NEURL1: variants seen among roughly 807,000 people sequenced by gnomAD.
NEURL1 encodes the protein E3 ubiquitin-protein ligase NEURL1.
Under a neutral mutation model 41.2 loss-of-function variants are expected in NEURL1, and 26 were observed. The ratio of observed to expected loss-of-function variants is 0.63; its 90% CI spans 0.46 to 0.87. NEURL1 has a LOEUF of 0.87. NEURL1 is among the 40% of genes least tolerant of loss of function. The probability of loss-of-function intolerance (pLI) is 0.00; values close to 1 mark genes in which losing one functional copy is unlikely to be tolerated. For missense variants in NEURL1, 761 were observed against 871.1 expected (o/e 0.87, Z 1.59); for synonymous variants, 400 against 402.3 (o/e 0.99, Z 0.07).
chr10:103,498,815 G>T (rs1277663433), intron 1 of NEURL1, among the ~76,000 whole-genome samples: 1 of 152,118 alleles, frequency 6.6e-6, no homozygotes, highest in South Asian at 2.1e-4. Context: ...TGTGTCAAGC[G>T]TCTTTTACTT....
intron 1 of NEURL1, among the ~76,000 whole-genome samples, chr10:103,561,054 G>C (rs1034745590): frequency 1.3e-5 from 2 of 152,162 alleles, no homozygotes; most frequent in Non-Finnish European, 2.9e-5. Flanking sequence ...TGGCTGCTTC[G>C]CAAGGCTTGC....
At chr10:103,533,674 C>T (rs770325203) in intron 1 of NEURL1, among the ~76,000 whole-genome samples, 6 of 152,104 alleles carry the variant, frequency 3.9e-5, no homozygotes, top group South Asian at 2.1e-4. Flanking sequence ...GTAGCTGGGA[C>T]TACAGGCGCC....
At chr10:103,536,559 C>T (rs901010426) in intron 1 of NEURL1, among the ~76,000 whole-genome samples, 12 of 151,932 alleles carry the variant, frequency 7.9e-5, no homozygotes, top group African/African-American at 2.9e-4. Context: ...TCTCTCTCTA[C>T]CTATCTATCT....
At chr10:103,555,267 G>C in intron 1 of NEURL1, 2 of 1,110,182 alleles carry the variant, frequency 1.8e-6, no homozygotes. Flanking sequence ...TGCCATGCCG[G>C]TCTCCGCCCG....
intron 1 of NEURL1, among the ~76,000 whole-genome samples, chr10:103,524,923 G>T (rs1233757149): frequency 1.3e-5 from 2 of 151,954 alleles, no homozygotes; most frequent in Admixed American, 1.3e-4. Flanking sequence ...CTATATGGGG[G>T]GTGGGGTCCA....
intron 1 of NEURL1, among the ~76,000 whole-genome samples, chr10:103,570,642 G>A (rs986538464): frequency 6.6e-6 from 1 of 151,568 alleles, no homozygotes; most frequent in African/African-American, 2.4e-5. Context: ...GGAGAATGCC[G>A]AGGTGAGAAG....
At chr10:103,525,588 A>G (rs1246754522) in intron 1 of NEURL1, among the ~76,000 whole-genome samples, 1 of 152,004 alleles carries the variant, frequency 6.6e-6, no homozygotes, top group African/African-American at 2.4e-5. Flanking sequence ...TCTTGACCTC[A>G]AGTGATCCAC....
chr10:103,499,760 G>T (rs1056222272), intron 1 of NEURL1, among the ~76,000 whole-genome samples: 2 of 152,082 alleles, frequency 1.3e-5, no homozygotes, highest in Non-Finnish European at 2.9e-5. Context: ...TCAGCCTCTA[G>T]CCATTTTTCT....
At chr10:103,551,218 G>A (rs2035025725) in intron 1 of NEURL1, among the ~76,000 whole-genome samples, 2 of 151,838 alleles carry the variant, frequency 1.3e-5, no homozygotes, top group Non-Finnish European at 2.9e-5. Context: ...GTGAATGGTT[G>A]ATGAATGAAT....
At chr10:103,535,206 G>A (rs143709348) in intron 1 of NEURL1, among the ~76,000 whole-genome samples, 1 of 152,264 alleles carries the variant, frequency 6.6e-6, no homozygotes, top group East Asian at 1.9e-4. Context: ...TTTGGGCACT[G>A]AGGGGGCAAG....
chr10:103,538,943 G>GTTT (rs59036052), intron 1 of NEURL1, among the ~76,000 whole-genome samples: 14 of 129,178 alleles, frequency 1.1e-4, no homozygotes, highest in African/African-American at 3.9e-4. Flanking sequence ...CACCGCACCC[G>GTTT]TTTTTTTTTT....
chr10:103,504,413 T>C (rs1284842352), intron 1 of NEURL1, among the ~76,000 whole-genome samples: 2 of 152,180 alleles, frequency 1.3e-5, no homozygotes, highest in African/African-American at 2.4e-5. Flanking sequence ...TGTCTCTCTA[T>C]TGGGATTTTT....
intron 1 of NEURL1, among the ~76,000 whole-genome samples, chr10:103,495,683 G>A (rs116761792): frequency 1.2e-3 from 179 of 152,272 alleles, no homozygotes; most frequent in African/African-American, 4.2e-3. Context: ...GGAGAGATAG[G>A]ACCACTGTCC....
At chr10:103,577,137 T>C (rs1398450548) in intron 3 of NEURL1, among the ~76,000 whole-genome samples, 1 of 152,224 alleles carries the variant, frequency 6.6e-6, no homozygotes, top group Non-Finnish European at 1.5e-5. Flanking sequence ...TTCTTCCTCT[T>C]TGATGATTTT....
intron 5 of NEURL1, 42 bp from the exon 6 acceptor site, chr10:103,590,092 T>G: frequency 6.3e-7 from 1 of 1,585,758 alleles, no homozygotes. Context: ...CAGCGCCGGG[T>G]TGGGCCATGT....
intron 1 of NEURL1, among the ~76,000 whole-genome samples, chr10:103,507,417 A>C (rs985426566): frequency 2.0e-5 from 3 of 152,130 alleles, no homozygotes; most frequent in African/African-American, 4.8e-5. Flanking sequence ...TCCTTTATGC[A>C]AGGAGAGAGG....
intron 1 of NEURL1, among the ~76,000 whole-genome samples, chr10:103,513,955 C>T (rs544200349): frequency 3.9e-5 from 6 of 152,156 alleles, no homozygotes; most frequent in Non-Finnish European, 7.4e-5. Flanking sequence ...GAGCTGGATC[C>T]GGCCCTGACC....
chr10:103,505,795 G>A (rs1297859067), intron 1 of NEURL1, among the ~76,000 whole-genome samples: 1 of 152,224 alleles, frequency 6.6e-6, no homozygotes, highest in Non-Finnish European at 1.5e-5. Flanking sequence ...CTGCTGCCGG[G>A]TACAGCAGGG....
chr10:103,572,748 T>G (rs751813078), intron 3 of NEURL1, among the ~76,000 whole-genome samples: 4 of 152,170 alleles, frequency 2.6e-5, no homozygotes, highest in African/African-American at 9.7e-5. Flanking sequence ...ACACATAGAC[T>G]CTGGGTACAA....
Sources: gnomAD v4.1 joint callset for allele counts (sites outside exome capture counted in the v4.1 genomes callset) on GRCh38, gnomAD v4.1.1 for gene constraint, MANE v1.5 for transcripts, NCBI Gene and HGNC (gene_info 2026-07-23, HGNC 2026-07-21) for gene names.